The following CNST variants were observed in gnomAD, a reference collection of about 807,000 sequenced individuals.
The protein encoded by CNST is consortin.
CNST carries 39 observed loss-of-function variants against 72.4 expected under a neutral mutation model. The observed-to-expected ratio is 0.54, with a 90% CI of 0.42 to 0.70. The LOEUF (loss-of-function observed/expected upper bound fraction) is 0.70, where lower values mean the gene tolerates loss of function less well. Ranked by LOEUF, CNST falls within the 30% of genes least tolerant of loss-of-function variation. The probability of loss-of-function intolerance (pLI) is 0.00; values close to 1 mark genes in which losing one functional copy is unlikely to be tolerated. For synonymous variants in CNST, 332 were observed against 320.1 expected, an observed-to-expected ratio of 1.04 and a Z score of -0.40; for missense variants, 871 against 868.5, an observed-to-expected ratio of 1.00 and a Z score of -0.04.
At chr1:246,644,124 G>A (rs750294812) in intron 8 of CNST, among the ~76,000 whole-genome samples, 12 of 152,236 alleles carry the variant, frequency 7.9e-5, no homozygotes, top group Non-Finnish European at 1.5e-4. Context: ...CATTTTGCCG[G>A]GCGCGATGGC....
chr1:246,621,401 A>C (rs1314909161), intron 2 of CNST, 28 bp from the exon 3 acceptor site: 1 of 1,517,320 alleles, frequency 6.6e-7, no homozygotes. Context: ...ATTGATCCTA[A>C]CATAGGCATT....
At chr1:246,569,971 A>G (rs1659963149) in intron 1 of CNST, 1 of 952,732 alleles carries the variant, frequency 1.0e-6, no homozygotes, top group Non-Finnish European at 1.2e-6. Flanking sequence ...TTGCAGAGTT[A>G]TTTTCTGAGT....
chr1:246,605,603 C>T (rs527650619), intron 2 of CNST, among the ~76,000 whole-genome samples: 68 of 150,780 alleles, frequency 4.5e-4, no homozygotes, highest in Non-Finnish European at 6.7e-4. Context: ...TCTGATGTAA[C>T]GGCTACGTGG....
chr1:246,575,832 T>C (rs1333251159), intron 1 of CNST, among the ~76,000 whole-genome samples: 2 of 152,120 alleles, frequency 1.3e-5, no homozygotes, highest in Non-Finnish European at 2.9e-5. Context: ...AAAAAGTAAT[T>C]AGCATTTTTA....
At chr1:246,663,017 A>T (rs947312990) in intron 10 of CNST, among the ~76,000 whole-genome samples, 1 of 152,244 alleles carries the variant, frequency 6.6e-6, no homozygotes, top group Non-Finnish European at 1.5e-5. Context: ...GGTTGTTAAC[A>T]TAGATGAAGT....
chr1:246,663,826 G>A (rs917819051), intron 10 of CNST, among the ~76,000 whole-genome samples: 2 of 152,020 alleles, frequency 1.3e-5, no homozygotes. Context: ...GAAATCATAC[G>A]TGTTTGATCT....
rs570919141 is a variant in CNST, at chr1:246,664,496, A to T, written c.1973-1204A>T. Among the ~76,000 whole-genome samples, 5 of 150,586 alleles carry T rather than the reference A, an allele frequency of 3.3e-5. No homozygotes were observed. In the East Asian group the frequency reaches 9.7e-4, roughly 29 times the overall value. On this transcript the variant is annotated intron_variant, in intron 10 of 10. Coordinates refer to ENST00000366513, the MANE Select transcript of CNST (RefSeq NM_152609.3). Reference sequence around the variant, plus strand: ...GGCTGGAGTGCAGTGGTGTGATCTCAGCTCACTGCAACCTCCGCCTCCCAG... The same window carrying T: ...GGCTGGAGTGCAGTGGTGTGATCTCTGCTCACTGCAACCTCCGCCTCCCAG...
At position 246,602,253 on chromosome 1, in the gene CNST, C is replaced by T. The variant is rs565043410; in HGVS notation, c.379+10312C>T. 3.3e-5 allele frequency among the ~76,000 whole-genome samples: 5 copies of T among 152,254 alleles called. No individual in the cohort carries two copies. The South Asian group carries it at 8.3e-4, about 25-fold the overall frequency. On this transcript the variant is annotated intron_variant, in intron 2 of 10. Coordinates refer to ENST00000366513, the MANE Select transcript of CNST (RefSeq NM_152609.3). Reference sequence around the variant, plus strand: ...TCTGTGCATTAGCTATCTCTTGCAGCGTAACAAAACTTAGCAGCTGAAAAC... The same window carrying T: ...TCTGTGCATTAGCTATCTCTTGCAGTGTAACAAAACTTAGCAGCTGAAAAC...
Position 246,665,829 on chromosome 1 carries a change from C to T in CNST, c.2102C>T (p.Ala701Val), listed in dbSNP as rs1436125130. The T allele has an allele frequency of 6.2e-7, 1 of 1,613,924 alleles. No individual in the cohort carries two copies. Among genetic ancestry groups the T allele is most frequent in the Non-Finnish European group, 8.5e-7 (1 of 1,179,868 alleles). Residue 701 changes from alanine to valine, a missense_variant, in exon 11 of 11, where the codon GCA becomes GTA. Physicochemically the swap from Ala to Val is moderately conservative, Grantham distance 64 (BLOSUM62 0). Coordinates refer to ENST00000366513, the MANE Select transcript of CNST (RefSeq NM_152609.3). ...GAGTCACCTGTTTGTACTGACTTTG[C>T]AGACAACATGGACTTCTATTACACT... ...DMESPVCTDF[A>V]DNMDFYYTKL... is the part of the protein sequence containing the mutation.
chr1:246,582,568 C>G (rs541194804), intron 1 of CNST, among the ~76,000 whole-genome samples: 10 of 152,170 alleles, frequency 6.6e-5, no homozygotes, highest in South Asian at 4.1e-4. Context: ...GGTTCATGGC[C>G]CACTAGGGGA....
intron 3 of CNST, among the ~76,000 whole-genome samples, chr1:246,625,687 TG>T (rs1664384291): frequency 1.3e-5 from 2 of 152,168 alleles, no homozygotes; most frequent in South Asian, 4.1e-4. Context: ...CCCAAAGTGC[TG>T]GGATTACAGG....
intron 1 of CNST, among the ~76,000 whole-genome samples, chr1:246,571,089 C>T (rs1034149615): frequency 1.2e-4 from 18 of 152,124 alleles, no homozygotes; most frequent in African/African-American, 3.6e-4. Flanking sequence ...TTGTAATATT[C>T]GTTAAAGAAC....
chr1:246,635,197 G>A (rs1665114227), intron 6 of CNST, among the ~76,000 whole-genome samples: 1 of 152,056 alleles, frequency 6.6e-6, no homozygotes, highest in Admixed American at 6.5e-5. Flanking sequence ...AGAGGGTGGC[G>A]TGGGCACCTC....
In CNST at chr1:246,667,641, A is replaced by G. The variant is rs1667440563; in HGVS notation, c.*1736A>G. ...TAATGTTCTATTATAAATTTTAAGA[A>G]TTTGTATTCAAATTGTATGTAAAAT... On this transcript the variant is annotated 3_prime_UTR_variant, in exon 11 of 11. Transcript: ENST00000366513. 1 of 152,206 alleles carries G rather than the reference A, an allele frequency of 6.6e-6. No homozygotes were observed. The highest frequency in any genetic ancestry group is 2.1e-4 in the South Asian group (1 of 4,834). 9.4% of individuals were successfully genotyped at this position (152,206 alleles called of 1,614,324 possible). A position where few individuals can be genotyped will look rare whatever the true frequency, so the allele number is the denominator to read the frequency against.
intron 1 of CNST, among the ~76,000 whole-genome samples, chr1:246,583,453 T>G (rs1294071828): frequency 1.3e-5 from 2 of 152,262 alleles, no homozygotes; most frequent in Non-Finnish European, 2.9e-5. Context: ...GCAGGGTTTA[T>G]AGACATAGCG....
At chr1:246,606,590 C>T (rs1191756245) in intron 2 of CNST, 2 of 151,910 alleles carry the variant, frequency 1.3e-5, no homozygotes, top group African/African-American at 4.8e-5. Context: ...ATCTCTAGAG[C>T]AGCCTGTAGT....
intron 1 of CNST, among the ~76,000 whole-genome samples, chr1:246,588,429 C>T (rs1193259416): frequency 6.6e-6 from 1 of 151,966 alleles, no homozygotes. Context: ...TGTTTAATTA[C>T]AGTAATAATA....
At chr1:246,609,339 G>A (rs961012153) in intron 2 of CNST, among the ~76,000 whole-genome samples, 38 of 152,204 alleles carry the variant, frequency 2.5e-4, no homozygotes, top group Non-Finnish European at 8.8e-5. Context: ...ACTTTGAGAG[G>A]CTGAGGCAGG....
At chr1:246,632,326 C>A (rs928600850) in intron 4 of CNST, 1 of 289,466 alleles carries the variant, frequency 3.5e-6, no homozygotes, top group Non-Finnish European at 6.7e-6. Flanking sequence ...ACTTGGGACC[C>A]GGGACATTGC....
Sources: gnomAD v4.1 joint callset for allele counts (sites outside exome capture counted in the v4.1 genomes callset) on GRCh38, gnomAD v4.1.1 for gene constraint, MANE v1.5 for transcripts, NCBI Gene and HGNC (gene_info 2026-07-23, HGNC 2026-07-21) for gene names.